WDR7: variants seen among roughly 807,000 people sequenced by gnomAD.
The protein encoded by WDR7 is WD repeat domain 7.
A neutral mutation model predicts 169.4 loss-of-function variants in WDR7; 46 were observed. That is an observed-to-expected ratio of 0.27 (90% CI 0.21 to 0.35). The LOEUF (loss-of-function observed/expected upper bound fraction) is 0.35. Among genes scored for constraint, WDR7 ranks in the 10% least tolerant of loss-of-function variants. The probability of loss-of-function intolerance (pLI) is 1.00; values close to 1 mark genes in which losing one functional copy is unlikely to be tolerated. For missense variants in WDR7, 1,534 were observed against 1,859.3 expected (o/e 0.83, Z 3.22); for synonymous variants, 612 against 666.8 (o/e 0.92, Z 1.27).
intron 22 of WDR7, among the ~76,000 whole-genome samples, chr18:56,934,062 A>G (rs1218282860): frequency 6.6e-6 from 1 of 152,258 alleles, no homozygotes; most frequent in Non-Finnish European, 1.5e-5. Flanking sequence ...TTATTCAATT[A>G]ATGTAACATT....
At chr18:56,728,346 T>C (rs2026505434) in intron 13 of WDR7, among the ~76,000 whole-genome samples, 1 of 152,250 alleles carries the variant, frequency 6.6e-6, no homozygotes, top group Non-Finnish European at 1.5e-5. Context: ...ATCTCTATTT[T>C]ATACAACAGA....
chr18:56,717,719 G>C (rs537068311), intron 12 of WDR7, among the ~76,000 whole-genome samples: 86 of 152,264 alleles, frequency 5.6e-4, no homozygotes, highest in African/African-American at 2.0e-3. Flanking sequence ...AATTTGAACA[G>C]CAGTTTTTCC....
At chr18:56,709,442 G>A (rs1322108697) in intron 12 of WDR7, among the ~76,000 whole-genome samples, 2 of 152,124 alleles carry the variant, frequency 1.3e-5, no homozygotes, top group Non-Finnish European at 2.9e-5. Flanking sequence ...TAATAATAAT[G>A]ATGGAGATAA....
chr18:56,915,659 T>C (rs2046614584), intron 21 of WDR7, among the ~76,000 whole-genome samples: 1 of 152,218 alleles, frequency 6.6e-6, no homozygotes, highest in South Asian at 2.1e-4. Flanking sequence ...TAGTTATTTG[T>C]GTTTCCTACC....
At chr18:56,875,888 G>T (rs2046015311) in intron 20 of WDR7, among the ~76,000 whole-genome samples, 1 of 152,126 alleles carries the variant, frequency 6.6e-6, no homozygotes, top group African/African-American at 2.4e-5. Context: ...GGTTCTTATT[G>T]TTGTTCACCT....
At chr18:56,801,948 G>A (rs1279013262) in intron 19 of WDR7, among the ~76,000 whole-genome samples, 1 of 152,054 alleles carries the variant, frequency 6.6e-6, no homozygotes, top group Admixed American at 6.6e-5. Flanking sequence ...TAAGTTTCCA[G>A]GTTTCATAAA....
chr18:56,666,556 A>G (rs920230343), intron 1 of WDR7, among the ~76,000 whole-genome samples: 3 of 152,230 alleles, frequency 2.0e-5, no homozygotes, highest in Non-Finnish European at 2.9e-5. Context: ...CTCTCCCAGG[A>G]GCCACTGATC....
At chr18:57,018,563 G>A (rs1361019161) in intron 26 of WDR7, among the ~76,000 whole-genome samples, 1 of 152,198 alleles carries the variant, frequency 6.6e-6, no homozygotes, top group Non-Finnish European at 1.5e-5. Context: ...AGTATTGTCC[G>A]ATCCTCCAGT....
chr18:56,904,346 A>G (rs540016173), intron 21 of WDR7, among the ~76,000 whole-genome samples: 3 of 152,330 alleles, frequency 2.0e-5, no homozygotes, highest in African/African-American at 7.2e-5. Context: ...CTGGGATTAC[A>G]GGTGTGAGCT....
At position 57,029,629 on chromosome 18, in the gene WDR7, C is replaced by T. The variant is rs999139702; in HGVS notation, c.*2422C>T. The T allele has an allele frequency of 2.6e-5, 4 of 151,868 alleles. No homozygotes were observed. The highest frequency in any genetic ancestry group is 9.7e-5 in the African/African-American group (4 of 41,314). The allele number at this position is 151,868 out of a possible 1,614,324, so 9.4% of individuals were successfully genotyped here. A position where few individuals can be genotyped will look rare whatever the true frequency, so the allele number is the denominator to read the frequency against. ...AATTTACAAGCAAAAGATGACATGA[C>T]GTGACACCTGTATGAAAATGTGATG... On this transcript the variant is annotated 3_prime_UTR_variant, in exon 28 of 28. Transcript: ENST00000254442.
At chr18:56,907,304 G>A (rs773108143) in intron 21 of WDR7, among the ~76,000 whole-genome samples, 10 of 110,844 alleles carry the variant, frequency 9.0e-5, no homozygotes, top group Non-Finnish European at 1.7e-4. Flanking sequence ...GTTAAGCATT[G>A]GGGTATGGTT....
chr18:56,775,476 T>C, intron 16 of WDR7, among the ~76,000 whole-genome samples: 2 of 152,162 alleles, frequency 1.3e-5, no homozygotes, highest in East Asian at 3.8e-4. Flanking sequence ...GCAAGATTAC[T>C]TTGTAATGGA....
At chr18:56,713,312 C>T (rs1156315237) in intron 12 of WDR7, among the ~76,000 whole-genome samples, 2 of 152,142 alleles carry the variant, frequency 1.3e-5, no homozygotes, top group African/African-American at 4.8e-5. Flanking sequence ...AAGTTACTCA[C>T]ATTAATGAGA....
chr18:56,657,414 G>T (rs1365329429), intron 1 of WDR7, among the ~76,000 whole-genome samples: 2 of 152,178 alleles, frequency 1.3e-5, no homozygotes, highest in African/African-American at 4.8e-5. Context: ...CTCCTGAAGT[G>T]CTGGGATTAC....
chr18:57,005,395 C>T (rs1225116777), intron 26 of WDR7, among the ~76,000 whole-genome samples: 1 of 152,086 alleles, frequency 6.6e-6, no homozygotes, highest in Non-Finnish European at 1.5e-5. Flanking sequence ...GATCTGGCAA[C>T]TATGACTCTC....
intron 21 of WDR7, among the ~76,000 whole-genome samples, chr18:56,888,409 A>G (rs890389386): frequency 6.6e-6 from 1 of 152,222 alleles, no homozygotes; most frequent in Non-Finnish European, 1.5e-5. Flanking sequence ...TGCATAAAAT[A>G]AAAGGCAGGA....
rs367822040 is a variant in WDR7, at chr18:56,962,461, C to A, written c.4096C>A (p.His1366Asn). Residue 1366 changes from histidine (H) to asparagine (N), a missense_variant, in exon 26 of 28, where the codon CAC becomes AAC. By Grantham distance (68) the His-to-Asn change is moderately conservative. Coordinates refer to ENST00000254442, the MANE Select transcript of WDR7 (RefSeq NM_015285.3). ...CATGGTCAGCTATTATGAGCGGAAT[C>A]ACAGAATAGCAGTTGGAGCTCGCCA... Reference protein sequence around the residue: ...FYMVSYYERNHRIAVGARHGS... With the variant: ...FYMVSYYERNNRIAVGARHGS... The A allele has an allele frequency of 9.3e-6, 15 of 1,612,884 alleles. No individual in the cohort carries two copies. Among genetic ancestry groups the A allele is most frequent in the Non-Finnish European group, 1.3e-5 (15 of 1,179,354 alleles).
At chr18:56,868,146 A>C (rs1320530963) in intron 20 of WDR7, among the ~76,000 whole-genome samples, 1 of 152,196 alleles carries the variant, frequency 6.6e-6, no homozygotes, top group African/African-American at 2.4e-5. Context: ...AGAAGAAAAA[A>C]TAACGTAAAA....
intron 26 of WDR7, among the ~76,000 whole-genome samples, chr18:56,978,367 G>A (rs1179758310): frequency 6.6e-6 from 1 of 151,934 alleles, no homozygotes; most frequent in Non-Finnish European, 1.5e-5. Context: ...AACCATGCAT[G>A]CATTCATTGA....
Sources: gnomAD v4.1 joint callset for allele counts (sites outside exome capture counted in the v4.1 genomes callset) on GRCh38, gnomAD v4.1.1 for gene constraint, MANE v1.5 for transcripts, NCBI Gene and HGNC (gene_info 2026-07-23, HGNC 2026-07-21) for gene names.